RPSA2: variants seen among roughly 807,000 people sequenced by gnomAD.
RPSA2 encodes small ribosomal subunit protein uS2B.
At chr19:23,806,042 T>C in the RPSA2 span, among the ~76,000 whole-genome samples, 3 of 61,620 alleles carry the variant, frequency 4.9e-5, no homozygotes, top group East Asian at 2.0e-3. Context: ...TATCCTTCTT[T>C]CTTTCTTTTT....
At chr19:23,823,838 C>G in the RPSA2 span, 5 of 152,468 alleles carry the variant, frequency 3.3e-5, 1 homozygote, top group Non-Finnish European at 7.3e-5. Flanking sequence ...TAGCTGATCC[C>G]TTCTTCAGGT....
the RPSA2 span, among the ~76,000 whole-genome samples, chr19:23,854,677 C>G: frequency 2.0e-5 from 3 of 152,308 alleles, no homozygotes; most frequent in East Asian, 5.8e-4. Context: ...ATTGAGCCAG[C>G]TTGGCTGCTT....
the RPSA2 span, chr19:23,758,640 T>C: frequency 3.2e-6 from 5 of 1,572,468 alleles, no homozygotes; most frequent in African/African-American, 1.4e-5. Context: ...TGAGGCCGCC[T>C]GGGCGAGGAG....
chr19:23,759,648 C>T, the RPSA2 span, among the ~76,000 whole-genome samples: 1 of 147,028 alleles, frequency 6.8e-6, no homozygotes, highest in African/African-American at 2.5e-5. Context: ...CTCAGCCTCC[C>T]GAGGAGCTGG....
chr19:23,853,305 T>C, the RPSA2 span, among the ~76,000 whole-genome samples: 3 of 152,224 alleles, frequency 2.0e-5, no homozygotes, highest in Non-Finnish European at 2.9e-5. Context: ...TCCCATAGGT[T>C]TAATTACAAC....
At chr19:23,828,731 G>A in the RPSA2 span, among the ~76,000 whole-genome samples, 2 of 151,888 alleles carry the variant, frequency 1.3e-5, no homozygotes, top group Non-Finnish European at 2.9e-5. Context: ...TTCTGATGTT[G>A]TTGAGGAGTG....
At chr19:23,870,241 G>A in the RPSA2 span, among the ~76,000 whole-genome samples, 5 of 152,124 alleles carry the variant, frequency 3.3e-5, no homozygotes, top group Non-Finnish European at 5.9e-5. Context: ...TGTTCAAATG[G>A]CTCAGTATGT....
At chr19:23,814,655 TGTAA>T in the RPSA2 span, among the ~76,000 whole-genome samples, 1 of 152,242 alleles carries the variant, frequency 6.6e-6, no homozygotes, top group Non-Finnish European at 1.5e-5. Context: ...TGTCTACCAC[TGTAA>T]GTTGTATTGA....
the RPSA2 span, among the ~76,000 whole-genome samples, chr19:23,801,325 T>G: frequency 1.4e-4 from 1 of 7,376 alleles, no homozygotes; most frequent in Non-Finnish European, 1.6e-3. Flanking sequence ...CTGCAACCTC[T>G]TCCTCCCAGG....
the RPSA2 span, among the ~76,000 whole-genome samples, chr19:23,839,496 C>T: frequency 1.3e-5 from 2 of 152,100 alleles, no homozygotes; most frequent in African/African-American, 2.4e-5. Context: ...ATGTGGAGGG[C>T]AAGTTGGGTT....
chr19:23,824,580 C>CTTTCTTTTTTTTTT, the RPSA2 span, among the ~76,000 whole-genome samples: 24,232 of 63,208 alleles, frequency 0.38, 9,521 homozygotes, highest in Admixed American at 0.47. Context: ...TATAGCATTT[C>CTTTCTTTTTTTTTT]TTTTTTTTTT....
At chr19:23,840,458 A>C in the RPSA2 span, among the ~76,000 whole-genome samples, 3 of 152,184 alleles carry the variant, frequency 2.0e-5, no homozygotes, top group Non-Finnish European at 2.9e-5. Flanking sequence ...GGGTCCTCAG[A>C]TATCAGTGAG....
the RPSA2 span, among the ~76,000 whole-genome samples, chr19:23,821,700 T>C: frequency 6.6e-6 from 1 of 152,354 alleles, no homozygotes; most frequent in African/African-American, 2.4e-5. Context: ...CTCTGGACAT[T>C]CATTTTTCTA....
At chr19:23,845,325 A>T in the RPSA2 span, among the ~76,000 whole-genome samples, 2 of 141,280 alleles carry the variant, frequency 1.4e-5, no homozygotes, top group African/African-American at 2.6e-5. Flanking sequence ...CTAATTTTCT[A>T]GTTCCTTGAA....
At chr19:23,864,188 A>G in the RPSA2 span, among the ~76,000 whole-genome samples, 1,039 of 152,284 alleles carry the variant, frequency 6.8e-3, 15 homozygotes, top group African/African-American at 0.023. Context: ...GCATGCAAAG[A>G]ATGGGCATAT....
chr19:23,841,298 A>G, the RPSA2 span, among the ~76,000 whole-genome samples: 1 of 151,990 alleles, frequency 6.6e-6, no homozygotes, highest in African/African-American at 2.4e-5. Flanking sequence ...CCCCGTCTCT[A>G]CTAAAATTAC....
chr19:23,810,394 CAAAAAAA>C, the RPSA2 span, among the ~76,000 whole-genome samples: 32 of 13,046 alleles, frequency 2.5e-3, 1 homozygote, highest in African/African-American at 9.8e-3. Context: ...ACTCCCTCTC[CAAAAAAA>C]AAAAAAAAAA....
chr19:23,844,438 T>A, the RPSA2 span, among the ~76,000 whole-genome samples: 24 of 152,126 alleles, frequency 1.6e-4, no homozygotes, highest in Non-Finnish European at 2.8e-4. Context: ...GTAGTTCTAT[T>A]TTTAGTTATC....
At chr19:23,847,846 G>A in the RPSA2 span, among the ~76,000 whole-genome samples, 5 of 152,074 alleles carry the variant, frequency 3.3e-5, no homozygotes, top group Admixed American at 3.3e-4. Context: ...GAGTATTAAT[G>A]TCAATATTCC....
Sources: allele counts gnomAD v4.1 joint callset (sites outside exome capture counted in the v4.1 genomes callset), GRCh38; gene constraint gnomAD v4.1.1; transcripts MANE v1.5; gene names NCBI Gene and HGNC (gene_info 2026-07-23, HGNC 2026-07-21).